The following PTPRM variants were observed in gnomAD, a reference collection of about 807,000 sequenced individuals.
PTPRM encodes the protein receptor-type tyrosine-protein phosphatase mu.
In PTPRM, 47 loss-of-function variants were observed where a neutral mutation model predicts 186.7. The ratio of observed to expected loss-of-function variants is 0.25; its 90% CI spans 0.20 to 0.32. The LOEUF is 0.32. Ranked by LOEUF, PTPRM falls within the 10% of genes least tolerant of loss-of-function variation. The probability of loss-of-function intolerance (pLI) is 1.00; values close to 1 mark genes in which losing one functional copy is unlikely to be tolerated. For missense variants in PTPRM, 1,494 were observed against 1,865.0 expected, an observed-to-expected ratio of 0.80 and a Z score of 3.66; for synonymous variants, 668 against 674.9, an observed-to-expected ratio of 0.99 and a Z score of 0.16.
intron 14 of PTPRM, among the ~76,000 whole-genome samples, chr18:8,150,659 A>G (rs1038167050): frequency 6.6e-6 from 1 of 152,014 alleles, no homozygotes; most frequent in African/African-American, 2.4e-5. Context: ...CACTTCGTCA[A>G]CTCATTCTCC....
chr18:7,866,307 T>C (rs1297373183), intron 2 of PTPRM, among the ~76,000 whole-genome samples: 1 of 152,202 alleles, frequency 6.6e-6, no homozygotes, highest in Non-Finnish European at 1.5e-5. Flanking sequence ...CTTTCCTGCT[T>C]TCTCTTGTGG....
intron 19 of PTPRM, among the ~76,000 whole-genome samples, chr18:8,265,991 G>A (rs997642887): frequency 3.3e-5 from 5 of 151,948 alleles, no homozygotes; most frequent in Non-Finnish European, 7.4e-5. Context: ...TGATCCACAG[G>A]CACTTCTCTG....
chr18:8,358,482 G>C (rs866601348), intron 23 of PTPRM, among the ~76,000 whole-genome samples: 2 of 152,164 alleles, frequency 1.3e-5, no homozygotes, highest in East Asian at 3.8e-4. Context: ...CACGCCTCCT[G>C]TGTCTCTGCT....
chr18:7,997,420 T>C (rs1029198550), intron 7 of PTPRM, among the ~76,000 whole-genome samples: 1 of 152,288 alleles, frequency 6.6e-6, no homozygotes, highest in African/African-American at 2.4e-5. Flanking sequence ...ACTGAAACTA[T>C]GAAACTGCTT....
intron 11 of PTPRM, among the ~76,000 whole-genome samples, chr18:8,106,783 G>A (rs977558133): frequency 6.6e-6 from 1 of 152,232 alleles, no homozygotes; most frequent in Non-Finnish European, 1.5e-5. Context: ...ATTAGCGCCT[G>A]AAGGGCTTTA....
intron 2 of PTPRM, among the ~76,000 whole-genome samples, chr18:7,861,722 A>G (rs538812799): frequency 6.6e-6 from 1 of 151,972 alleles, no homozygotes; most frequent in African/African-American, 2.4e-5. Context: ...CTTTCTTGGG[A>G]TAGGTAGTGG....
chr18:8,248,790 A>G (rs1601465654), intron 17 of PTPRM, among the ~76,000 whole-genome samples: 1 of 152,342 alleles, frequency 6.6e-6, no homozygotes, highest in East Asian at 1.9e-4. Context: ...CAGCAAAATG[A>G]CAAGATGGCA....
chr18:7,614,778 G>A (rs1163732589), intron 1 of PTPRM, among the ~76,000 whole-genome samples: 2 of 152,180 alleles, frequency 1.3e-5, no homozygotes, highest in South Asian at 2.1e-4. Flanking sequence ...TCAGTCTTGA[G>A]CACAGGCATG....
intron 31 of PTPRM, among the ~76,000 whole-genome samples, chr18:8,388,540 A>G (rs1209742502): frequency 6.6e-6 from 1 of 152,198 alleles, no homozygotes; most frequent in Non-Finnish European, 1.5e-5. Flanking sequence ...AAGGAGCCTT[A>G]AGAACCTACC....
rs190576571 is a variant in PTPRM, at chr18:7,960,621, C to T, written c.1132+5207C>T. 7.3e-3 allele frequency among the ~76,000 whole-genome samples: 1,111 copies of T among 151,742 alleles called. 6 individuals are homozygous for T. Among genetic ancestry groups the T allele is most frequent in the Non-Finnish European group, 0.01 (712 of 67,942 alleles). On this transcript the variant is annotated intron_variant, in intron 7 of 32. Coordinates refer to ENST00000580170, the MANE Select transcript of PTPRM (RefSeq NM_001105244.2). ...AAATGAAGAATAATTAGCTGGGCAC[C>T]GTGGCATACATCTGTAGTCCCAGCT...
intron 1 of PTPRM, among the ~76,000 whole-genome samples, chr18:7,681,597 C>A (rs1310592661): frequency 3.3e-5 from 5 of 149,968 alleles, no homozygotes; most frequent in South Asian, 2.1e-4. Flanking sequence ...AAAAAAAAAA[C>A]AAAAAACCCT....
intron 2 of PTPRM, among the ~76,000 whole-genome samples, chr18:7,853,777 A>T (rs2046974317): frequency 6.6e-6 from 1 of 152,022 alleles, no homozygotes; most frequent in Non-Finnish European, 1.5e-5. Context: ...TTCTCTTTGG[A>T]ACTGCTGTTG....
chr18:7,934,043 C>T (rs989277634), intron 5 of PTPRM, among the ~76,000 whole-genome samples: 5 of 152,082 alleles, frequency 3.3e-5, no homozygotes, highest in Non-Finnish European at 5.9e-5. Flanking sequence ...ACTTTCTTGC[C>T]GTGGCATCCA....
intron 4 of PTPRM, among the ~76,000 whole-genome samples, chr18:7,919,717 C>T (rs1303778396): frequency 6.6e-6 from 1 of 152,120 alleles, no homozygotes; most frequent in Admixed American, 6.5e-5. Context: ...CTATAGACGT[C>T]AGTTATGACT....
At chr18:8,101,520 A>G (rs2091290069) in intron 11 of PTPRM, among the ~76,000 whole-genome samples, 1 of 152,222 alleles carries the variant, frequency 6.6e-6, no homozygotes, top group African/African-American at 2.4e-5. Context: ...ACAGCAATAG[A>G]AAATGAATAA....
At chr18:8,243,941 T>A in intron 14 of PTPRM, 117 bp from the exon 15 acceptor site, 1 of 1,029,646 alleles carries the variant, frequency 9.7e-7, no homozygotes, top group Non-Finnish European at 1.4e-6. Flanking sequence ...TACATCCATC[T>A]CTGAATGAAT....
intron 1 of PTPRM, among the ~76,000 whole-genome samples, chr18:7,652,233 C>T (rs2038727125): frequency 6.6e-6 from 1 of 152,090 alleles, no homozygotes; most frequent in Non-Finnish European, 1.5e-5. Flanking sequence ...GAATGGCAGT[C>T]ATTAAAAAGT....
At chr18:8,195,033 T>C (rs1201882341) in intron 14 of PTPRM, among the ~76,000 whole-genome samples, 1 of 152,042 alleles carries the variant, frequency 6.6e-6, no homozygotes, top group Non-Finnish European at 1.5e-5. Context: ...GCATCCACCC[T>C]GAGGACAACA....
chr18:8,388,934 C>G (rs2095794804), intron 31 of PTPRM, among the ~76,000 whole-genome samples: 1 of 152,030 alleles, frequency 6.6e-6, no homozygotes. Context: ...GCACTCCAGC[C>G]TGGGGGACAG....
Sources: gnomAD v4.1 joint callset for allele counts (sites outside exome capture counted in the v4.1 genomes callset) on GRCh38, gnomAD v4.1.1 for gene constraint, MANE v1.5 for transcripts, NCBI Gene and HGNC (gene_info 2026-07-23, HGNC 2026-07-21) for gene names.